Variants in ANKS1B observed in about 807,000 individuals in gnomAD.
The protein encoded by ANKS1B is ankyrin repeat and sterile alpha motif domain containing 1B.
Under a neutral mutation model 148.3 loss-of-function variants are expected in ANKS1B, and 36 were observed. The observed-to-expected ratio is 0.24, with a 90% CI of 0.19 to 0.32. ANKS1B has a LOEUF of 0.32. ANKS1B is among the 10% of genes least tolerant of loss of function. ANKS1B has a pLI of 1.00. For synonymous variants in ANKS1B, 542 were observed against 560.8 expected (o/e 0.97, Z 0.47); for missense variants, 1,157 against 1,542.6 (o/e 0.75, Z 4.19).
At chr12:98,969,328 G>A (rs1026866600) in intron 17 of ANKS1B, among the ~76,000 whole-genome samples, 3 of 152,138 alleles carry the variant, frequency 2.0e-5, no homozygotes, top group Non-Finnish European at 2.9e-5. Flanking sequence ...GCAGAAAATC[G>A]CACAGGCTCA....
At chr12:98,934,309 C>T (rs1347751405) in intron 17 of ANKS1B, among the ~76,000 whole-genome samples, 1 of 152,002 alleles carries the variant, frequency 6.6e-6, no homozygotes, top group African/African-American at 2.4e-5. Flanking sequence ...ACCATGTATG[C>T]ATGGATTTAT....
At chr12:99,781,910 G>A in intron 5 of ANKS1B, 112 bp downstream of exon 5, 2 of 885,366 alleles carry the variant, frequency 2.3e-6, no homozygotes, top group Non-Finnish European at 3.4e-6. Context: ...GCATTTTAGA[G>A]TAAAGGCAAG....
At chr12:99,281,568 G>A (rs573877034) in intron 12 of ANKS1B, among the ~76,000 whole-genome samples, 5 of 152,132 alleles carry the variant, frequency 3.3e-5, no homozygotes, top group East Asian at 1.9e-4. Flanking sequence ...GTCTGTTGGC[G>A]GGTACTTCCA....
At chr12:99,789,138 C>A (rs761253612) in intron 4 of ANKS1B, among the ~76,000 whole-genome samples, 1 of 152,096 alleles carries the variant, frequency 6.6e-6, no homozygotes, top group Non-Finnish European at 1.5e-5. Flanking sequence ...CATCACCACA[C>A]CCCCAGGTAC....
intron 8 of ANKS1B, among the ~76,000 whole-genome samples, chr12:99,700,594 T>C (rs1323236985): frequency 6.6e-6 from 1 of 152,142 alleles, no homozygotes; most frequent in African/African-American, 2.4e-5. Flanking sequence ...CACATAATAT[T>C]TTTTTTCTTT....
chr12:99,672,941 T>C (rs555158675), intron 8 of ANKS1B, among the ~76,000 whole-genome samples: 1 of 152,106 alleles, frequency 6.6e-6, no homozygotes, highest in African/African-American at 2.4e-5. Flanking sequence ...GAATACATTA[T>C]GAAATTTAAA....
chr12:99,950,864 T>C (rs2095202252), intron 1 of ANKS1B, among the ~76,000 whole-genome samples: 1 of 152,188 alleles, frequency 6.6e-6, no homozygotes, highest in Non-Finnish European at 1.5e-5. Flanking sequence ...TATGTCTTTC[T>C]CTTTATTGAT....
At chr12:99,627,661 T>C (rs1245834555) in intron 9 of ANKS1B, among the ~76,000 whole-genome samples, 1 of 152,144 alleles carries the variant, frequency 6.6e-6, no homozygotes, top group African/African-American at 2.4e-5. Flanking sequence ...GCCTGCGGCA[T>C]GCAATGCACA....
chr12:99,520,686 A>C (rs1201760235), intron 9 of ANKS1B, among the ~76,000 whole-genome samples: 3 of 152,174 alleles, frequency 2.0e-5, no homozygotes, highest in Non-Finnish European at 2.9e-5. Context: ...TTTAAGGCCA[A>C]TAACTCTTAG....
At chr12:99,230,613 G>C (rs1397229873) in intron 14 of ANKS1B, among the ~76,000 whole-genome samples, 1 of 152,084 alleles carries the variant, frequency 6.6e-6, no homozygotes, top group Non-Finnish European at 1.5e-5. Flanking sequence ...AGCGGTATTT[G>C]AAAGATCAAA....
chr12:99,942,004 G>T (rs1228901238), intron 1 of ANKS1B, among the ~76,000 whole-genome samples: 1 of 152,108 alleles, frequency 6.6e-6, no homozygotes, highest in Non-Finnish European at 1.5e-5. Context: ...AGAACTGGAG[G>T]ACAGAGCACA....
intron 9 of ANKS1B, among the ~76,000 whole-genome samples, chr12:99,570,029 G>A (rs927831961): frequency 6.6e-6 from 1 of 152,008 alleles, no homozygotes; most frequent in Admixed American, 6.6e-5. Flanking sequence ...TCCCCACAAG[G>A]GCCCAAAGGC....
chr12:99,481,838 T>C (rs187732136), intron 10 of ANKS1B, among the ~76,000 whole-genome samples: 48 of 152,118 alleles, frequency 3.2e-4, no homozygotes, highest in Admixed American at 1.7e-3. Flanking sequence ...GAAATGTCTA[T>C]TCATATTCCT....
At chr12:99,236,738 AT>A (rs1438362980) in intron 14 of ANKS1B, among the ~76,000 whole-genome samples, 1 of 152,162 alleles carries the variant, frequency 6.6e-6, no homozygotes, top group Non-Finnish European at 1.5e-5. Context: ...TCTTGTGCTG[AT>A]TTTCAAGGAG....
At chr12:99,472,707 T>A (rs2096261624) in intron 10 of ANKS1B, among the ~76,000 whole-genome samples, 1 of 152,070 alleles carries the variant, frequency 6.6e-6, no homozygotes, top group Admixed American at 6.6e-5. Context: ...CAGAGACTAA[T>A]AAATCACTGA....
At chr12:99,106,059 A>C (rs2059143513) in intron 15 of ANKS1B, among the ~76,000 whole-genome samples, 1 of 152,170 alleles carries the variant, frequency 6.6e-6, no homozygotes, top group South Asian at 2.1e-4. Context: ...ATGGAGTGAA[A>C]AACCCTCCCT....
At chr12:98,864,439 G>T (rs1354576681) in intron 17 of ANKS1B, among the ~76,000 whole-genome samples, 1 of 152,308 alleles carries the variant, frequency 6.6e-6, no homozygotes, top group African/African-American at 2.4e-5. Flanking sequence ...CATTATTCCA[G>T]ATGTTTCTGT....
rs553408707 is a variant in ANKS1B at position 99,983,958 on chromosome 12, T to C, written c.134+146A>G. 1.3e-4 allele frequency: 85 copies of C among 675,282 alleles called. No homozygotes were observed. The African/African-American group carries it at 1.4e-3, about 11-fold the overall frequency. 41.8% of individuals were successfully genotyped at this position (675,282 alleles called of 1,614,324 possible). A position where few individuals can be genotyped will look rare whatever the true frequency, so the allele number is the denominator to read the frequency against. Reference sequence around the variant, plus strand: ...ATCTGACTGGGAGGCTCATACCTCCTCTCCATACACGCAGTCTGTTTTCCT... The same window carrying C: ...ATCTGACTGGGAGGCTCATACCTCCCCTCCATACACGCAGTCTGTTTTCCT... On this transcript the variant is annotated intron_variant, in intron 1 of 26. Transcript: ENST00000683438.
chr12:99,347,412 T>G (rs966222017), intron 12 of ANKS1B, among the ~76,000 whole-genome samples: 24 of 151,964 alleles, frequency 1.6e-4, no homozygotes, highest in African/African-American at 5.3e-4. Context: ...GAGAAGATCC[T>G]AAAGTCTCAC....
Sources: allele counts gnomAD v4.1 joint callset (sites outside exome capture counted in the v4.1 genomes callset), GRCh38; gene constraint gnomAD v4.1.1; transcripts MANE v1.5; gene names NCBI Gene and HGNC (gene_info 2026-07-23, HGNC 2026-07-21).